The following HIVEP3 variants were observed in gnomAD, a reference collection of about 807,000 sequenced individuals.
HIVEP3 encodes the protein HIVEP zinc finger 3.
Under a neutral mutation model 152.8 loss-of-function variants are expected in HIVEP3, and 49 were observed. The observed-to-expected ratio is 0.32, with a 90% confidence interval of 0.26 to 0.41. The LOEUF (loss-of-function observed/expected upper bound fraction) is 0.41. HIVEP3 is among the 10% of genes least tolerant of loss of function. HIVEP3 has a pLI of 1.00. For synonymous variants in HIVEP3, 1,269 were observed against 1,289.0 expected (o/e 0.98, Z 0.33); for missense variants, 2,790 against 3,103.3 (o/e 0.90, Z 2.40).
At chr1:41,661,748 AGGGGTGAGCGCCGCGCC>A (rs1465433799) in intron 2 of HIVEP3, among the ~76,000 whole-genome samples, 2 of 152,294 alleles carry the variant, frequency 1.3e-5, no homozygotes, top group Non-Finnish European at 2.9e-5. Flanking sequence ...CGTGGGTGCG[AGGGGTGAGCGCCGCGCC>A]GGGGTGAGAG....
chr1:41,933,828 G>C (rs1217435662), intron 1 of HIVEP3, among the ~76,000 whole-genome samples: 1 of 151,990 alleles, frequency 6.6e-6, no homozygotes, highest in East Asian at 1.9e-4. Context: ...TGTAGTCTTA[G>C]GCAAGCACTA....
intron 1 of HIVEP3, among the ~76,000 whole-genome samples, chr1:41,821,664 A>C (rs1161033249): frequency 6.6e-6 from 1 of 152,232 alleles, no homozygotes; most frequent in African/African-American, 2.4e-5. Context: ...ATTGGAAAGA[A>C]GCCCTACTTC....
chr1:41,627,240 C>T (rs993752405), intron 3 of HIVEP3, among the ~76,000 whole-genome samples: 8 of 152,182 alleles, frequency 5.3e-5, no homozygotes, highest in Non-Finnish European at 1.0e-4. Context: ...ATTCTAGGGG[C>T]CTTCCCCAGC....
chr1:41,986,840 T>C (rs1431591243), intron 1 of HIVEP3, among the ~76,000 whole-genome samples: 1 of 152,248 alleles, frequency 6.6e-6, no homozygotes, highest in Non-Finnish European at 1.5e-5. Context: ...GAATACTATT[T>C]ATCAAATATA....
At chr1:41,915,174 G>A (rs1329152711) in intron 1 of HIVEP3, among the ~76,000 whole-genome samples, 1 of 151,924 alleles carries the variant, frequency 6.6e-6, no homozygotes, top group Non-Finnish European at 1.5e-5. Flanking sequence ...TCAGAACTCT[G>A]TCTTTTTAAA....
At chr1:41,568,725 G>A (rs1035742179) in intron 5 of HIVEP3, among the ~76,000 whole-genome samples, 1 of 152,244 alleles carries the variant, frequency 6.6e-6, no homozygotes, top group Non-Finnish European at 1.5e-5. Context: ...TTCGGTCCAA[G>A]CATCTAGAAA....
At chr1:41,781,451 C>T (rs999301905) in intron 1 of HIVEP3, among the ~76,000 whole-genome samples, 2 of 152,216 alleles carry the variant, frequency 1.3e-5, no homozygotes, top group African/African-American at 4.8e-5. Context: ...CCTGTCTATT[C>T]TACTTCCTAA....
chr1:41,671,164 G>A (rs867878457), intron 2 of HIVEP3, among the ~76,000 whole-genome samples: 1 of 152,186 alleles, frequency 6.6e-6, no homozygotes, highest in East Asian at 1.9e-4. Flanking sequence ...TAATGAAGTT[G>A]AGCCCAGGAA....
chr1:42,016,380 AT>A (rs796646737), intron 1 of HIVEP3, among the ~76,000 whole-genome samples: 3 of 152,258 alleles, frequency 2.0e-5, no homozygotes, highest in East Asian at 3.9e-4. Flanking sequence ...GAAACTGGTA[AT>A]ATACAGACAA....
intron 5 of HIVEP3, among the ~76,000 whole-genome samples, chr1:41,534,212 C>A (rs1223051806): frequency 6.6e-6 from 1 of 152,190 alleles, no homozygotes; most frequent in African/African-American, 2.4e-5. Flanking sequence ...CTCCTTCCAG[C>A]CTAGAGGTCC....
chr1:41,823,012 C>T (rs1489530604), intron 1 of HIVEP3, among the ~76,000 whole-genome samples: 1 of 152,190 alleles, frequency 6.6e-6, no homozygotes, highest in East Asian at 1.9e-4. Context: ...TAGAGAAAGG[C>T]TCTTAAGGAA....
intron 1 of HIVEP3, among the ~76,000 whole-genome samples, chr1:41,771,680 G>GT (rs1648381636): frequency 6.6e-6 from 1 of 151,874 alleles, no homozygotes; most frequent in African/African-American, 2.4e-5. Context: ...GTTTTGTTTT[G>GT]TTTTTTGAGA....
At chr1:41,790,383 T>G (rs532012051) in intron 1 of HIVEP3, among the ~76,000 whole-genome samples, 69 of 152,296 alleles carry the variant, frequency 4.5e-4, no homozygotes, top group African/African-American at 1.5e-3. Flanking sequence ...CCAGTGCTAG[T>G]ACCATGTTTC....
At chr1:41,666,600 C>A (rs1442184069) in intron 2 of HIVEP3, among the ~76,000 whole-genome samples, 1 of 152,206 alleles carries the variant, frequency 6.6e-6, no homozygotes, top group East Asian at 1.9e-4. Context: ...TCCTCTCATA[C>A]TGCTCATCTT....
intron 5 of HIVEP3, among the ~76,000 whole-genome samples, chr1:41,564,954 C>T (rs1365336928): frequency 3.3e-5 from 5 of 152,184 alleles, no homozygotes; most frequent in Non-Finnish European, 5.9e-5. Flanking sequence ...AGTCAGGAGC[C>T]ACCAGACAAC....
At chr1:41,877,803 C>G (rs1366489336) in intron 1 of HIVEP3, among the ~76,000 whole-genome samples, 1 of 152,084 alleles carries the variant, frequency 6.6e-6, no homozygotes, top group African/African-American at 2.4e-5. Flanking sequence ...TGTTCATTAC[C>G]TAGAACCTGG....
Position 41,506,645 on chromosome 1 carries a change from C to G in HIVEP3, c.*3806G>C, listed in dbSNP as rs911211485. ...TTTTTTCTTTTGCACTGATATATAC[C>G]ATACCAACATTGCAAGATGCAAGTG... On this transcript the variant is annotated 3_prime_UTR_variant, in exon 9 of 9. Coordinates refer to ENST00000372583, the MANE Select transcript of HIVEP3 (RefSeq NM_024503.5). The G allele has an allele frequency of 3.3e-5, 5 of 151,180 alleles. No individual in the cohort carries two copies. The highest frequency in any genetic ancestry group is 1.2e-4 in the African/African-American group (5 of 41,064). The allele number at this position is 151,180 out of a possible 1,614,324, so 9.4% of individuals were successfully genotyped here.
intron 1 of HIVEP3, among the ~76,000 whole-genome samples, chr1:41,915,470 T>G (rs1644857168): frequency 6.6e-6 from 1 of 152,226 alleles, no homozygotes; most frequent in Non-Finnish European, 1.5e-5. Flanking sequence ...TGCTTCCAAT[T>G]TGCTAGGTGC....
intron 2 of HIVEP3, among the ~76,000 whole-genome samples, chr1:41,657,569 T>G (rs1645647911): frequency 4.6e-5 from 7 of 152,212 alleles, no homozygotes; most frequent in Admixed American, 3.3e-4. Context: ...CTGCAGTTTT[T>G]ATTATTCTCA....
Sources: gnomAD v4.1 joint callset for allele counts (sites outside exome capture counted in the v4.1 genomes callset) on GRCh38, gnomAD v4.1.1 for gene constraint, MANE v1.5 for transcripts, NCBI Gene and HGNC (gene_info 2026-07-23, HGNC 2026-07-21) for gene names.